The following FNBP1 variants were observed in gnomAD, a reference collection of about 807,000 sequenced individuals.
FNBP1 encodes formin-binding protein 1.
A neutral mutation model predicts 90.6 loss-of-function variants in FNBP1; 26 were observed. The observed-to-expected ratio is 0.29, with a 90% CI of 0.21 to 0.40. The LOEUF (loss-of-function observed/expected upper bound fraction) is 0.40. FNBP1 is among the 10% of genes least tolerant of loss of function. The probability of loss-of-function intolerance (pLI) is 1.00; values close to 1 mark genes in which losing one functional copy is unlikely to be tolerated. For synonymous variants in FNBP1, 260 were observed against 265.2 expected (o/e 0.98, Z 0.19); for missense variants, 635 against 768.0 (o/e 0.83, Z 2.05).
At chr9:129,979,195 T>A (rs2050804434) in intron 3 of FNBP1, 123 bp downstream of exon 3, 1 of 593,570 alleles carries the variant, frequency 1.7e-6, no homozygotes, top group African/African-American at 1.8e-5. Flanking sequence ...TCCTCCAATT[T>A]AAAAACTGAC....
chr9:129,953,494 AAAAT>A (rs553611368), intron 6 of FNBP1, among the ~76,000 whole-genome samples: 11 of 152,050 alleles, frequency 7.2e-5, no homozygotes, highest in Admixed American at 1.3e-4. Context: ...CGTCTCAGAA[AAAAT>A]AAATAAATAA....
Position 129,992,279 on chromosome 9 carries a change from A to ATTTT in FNBP1, c.140+2563_140+2564insAAAA, listed in dbSNP as rs1450296911. ...TGAAAGACAACATTGCATGACTAATAGTGCAGCATTCAAATAATCAACGTG... is the reference window on the plus strand; with the variant it reads ...TGAAAGACAACATTGCATGACTAATATTTTGTGCAGCATTCAAATAATCAACGTG... On this transcript the variant is annotated intron_variant, in intron 2 of 16. Transcript: ENST00000446176. Among the ~76,000 whole-genome samples, 3 of 152,328 alleles carry ATTTT rather than the reference A, an allele frequency of 2.0e-5. No homozygotes were observed. In the South Asian group the frequency reaches 6.2e-4, roughly 32 times the overall value.
At chr9:130,000,384 G>A (rs1171947040) in intron 1 of FNBP1, among the ~76,000 whole-genome samples, 3 of 151,974 alleles carry the variant, frequency 2.0e-5, no homozygotes, top group Non-Finnish European at 4.4e-5. Context: ...CCAGCTACTC[G>A]GGAGGCTGAG....
At chr9:129,975,529 A>C (rs959635863) in intron 4 of FNBP1, among the ~76,000 whole-genome samples, 1 of 152,198 alleles carries the variant, frequency 6.6e-6, no homozygotes, top group African/African-American at 2.4e-5. Context: ...CTAAATCCGA[A>C]ATACAGATAT....
intron 4 of FNBP1, among the ~76,000 whole-genome samples, chr9:129,967,070 T>C (rs974955860): frequency 6.6e-6 from 1 of 152,046 alleles, no homozygotes; most frequent in Admixed American, 6.6e-5. Context: ...TGTTAACAGA[T>C]AAGAGATGGT....
At chr9:129,892,086 G>A (rs925460403) in intron 16 of FNBP1, among the ~76,000 whole-genome samples, 3 of 152,098 alleles carry the variant, frequency 2.0e-5, no homozygotes, top group Non-Finnish European at 2.9e-5. Flanking sequence ...GAGGCTTCGC[G>A]GCTTTCCGGC....
intron 3 of FNBP1, among the ~76,000 whole-genome samples, 186 bp from the exon 4 acceptor site, chr9:129,978,798 C>T (rs1335584836): frequency 3.9e-5 from 6 of 152,276 alleles, no homozygotes; most frequent in African/African-American, 1.4e-4. Context: ...AATTGAAACA[C>T]TTTTCATTTT....
At chr9:130,030,116 G>A (rs2058676098) in intron 1 of FNBP1, among the ~76,000 whole-genome samples, 1 of 151,990 alleles carries the variant, frequency 6.6e-6, no homozygotes, top group Non-Finnish European at 1.5e-5. Flanking sequence ...AGGCATGAAA[G>A]ATTGAATAGA....
chr9:130,051,003 C>T, the FNBP1 span, among the ~76,000 whole-genome samples: 10 of 151,508 alleles, frequency 6.6e-5, no homozygotes, highest in Middle Eastern at 3.4e-3. Flanking sequence ...CAAGTTCAAG[C>T]GATTCTCCTG....
rs1034107491 is a variant in FNBP1 at position 129,957,068 on chromosome 9, G to A, written c.513+292C>T. On this transcript the variant is annotated intron_variant, in intron 6 of 16. Transcript: ENST00000446176. The surrounding 1 kb of genome is among the most constrained non-coding windows in gnomAD (Gnocchi z 4.3). ...TTTTTTTTTTTTTGGCGATAGTTTC[G>A]CTCTTGTTACCCAGGCTGGAGTGCA... 1.4e-5 allele frequency among the ~76,000 whole-genome samples: 2 copies of A among 144,946 alleles called. No individual in the cohort carries two copies. The highest frequency in any genetic ancestry group is 5.1e-5 in the African/African-American group (2 of 39,070).
intron 4 of FNBP1, among the ~76,000 whole-genome samples, chr9:129,958,775 G>A (rs2047326889): frequency 6.6e-6 from 1 of 151,516 alleles, no homozygotes; most frequent in Non-Finnish European, 1.5e-5. Context: ...GAGCCAAGGA[G>A]TTCAAGACAG....
At chr9:129,933,293 A>G (rs2043018802) in intron 6 of FNBP1, among the ~76,000 whole-genome samples, 1 of 152,136 alleles carries the variant, frequency 6.6e-6, no homozygotes, top group African/African-American at 2.4e-5. Context: ...AAATCCACTC[A>G]CGCCAATATT....
At chr9:129,954,722 C>T (rs539542023) in intron 6 of FNBP1, among the ~76,000 whole-genome samples, 3 of 152,220 alleles carry the variant, frequency 2.0e-5, no homozygotes, top group East Asian at 1.9e-4. Flanking sequence ...TCTTGGCTGG[C>T]GCAGTGGCTC....
chr9:129,936,062 G>A (rs948898143), intron 6 of FNBP1, among the ~76,000 whole-genome samples: 2 of 152,168 alleles, frequency 1.3e-5, no homozygotes, highest in Admixed American at 6.5e-5. Context: ...AAGCAGCAGT[G>A]TCCAGAGCTT....
chr9:129,900,227 G>A lies in FNBP1; in HGVS notation c.1551-126C>T, dbSNP rs2131317452. ...CAGCGAGTGCTGTAACTGAGGCCATGGTAAATCATCGCACGCTCAGATCAC... is the reference window on the plus strand; with the variant it reads ...CAGCGAGTGCTGTAACTGAGGCCATAGTAAATCATCGCACGCTCAGATCAC... On this transcript the variant is annotated intron_variant, in intron 14 of 16. Coordinates refer to ENST00000446176, the MANE Select transcript of FNBP1 (RefSeq NM_015033.3). The surrounding 1 kb of genome is among the most constrained non-coding windows in gnomAD (Gnocchi z 4.1). 8.3e-7 allele frequency: 1 copy of A among 1,203,328 alleles called. No homozygotes were observed. Among genetic ancestry groups the A allele is most frequent in the Non-Finnish European group, 1.1e-6 (1 of 888,606 alleles). The allele number at this position is 1,203,328 out of a possible 1,614,324, so 74.5% of individuals were successfully genotyped here.
In FNBP1 at chr9:129,990,932, GT is replaced by G. The variant is rs35179648; in HGVS notation, c.140+3910del. Among the ~76,000 whole-genome samples the G allele has an allele frequency of 9.4e-3, 1,223 of 129,992 alleles. 9 individuals are homozygous for G. Among genetic ancestry groups the G allele is most frequent in the Non-Finnish European group, 0.012 (760 of 61,480 alleles). The allele number at this position is 129,992 out of a possible 152,430, so 85.3% of individuals were successfully genotyped here. A position where few individuals can be genotyped will look rare whatever the true frequency, so the allele number is the denominator to read the frequency against. On this transcript the variant is annotated intron_variant, in intron 2 of 16. Transcript: ENST00000446176. ...AGACAGAGATGATGATGACACCAGG[GT>G]TTTTTTTTTTTTTTTTTTGAGATGG...
intron 2 of FNBP1, among the ~76,000 whole-genome samples, chr9:129,981,664 C>T (rs1434949733): frequency 6.6e-6 from 1 of 151,914 alleles, no homozygotes; most frequent in Non-Finnish European, 1.5e-5. Context: ...AAGGGCATTG[C>T]TCTGGGAATC....
Position 130,042,899 on chromosome 9 carries a change from G to T in FNBP1, c.24+53C>A. 11 of 1,185,942 alleles carry T rather than the reference G, an allele frequency of 9.3e-6. No individual in the cohort carries two copies. Among genetic ancestry groups the T allele is most frequent in the Non-Finnish European group, 1.2e-5 (11 of 946,234 alleles). The allele number at this position is 1,185,942 out of a possible 1,614,324, so 73.5% of individuals were successfully genotyped here. A position where few individuals can be genotyped will look rare whatever the true frequency, so the allele number is the denominator to read the frequency against. ...GCCCGCGCCCCCTCCCCAGGCCGCG[G>T]GGAAACGCAGCGCGCGCCCCGCATC... On this transcript the variant is annotated intron_variant, in intron 1 of 16. Coordinates refer to ENST00000446176, the MANE Select transcript of FNBP1 (RefSeq NM_015033.3). This position sits in a 1 kb window ranked among gnomAD's most constrained non-coding sequence, Gnocchi z 5.5.
intron 1 of FNBP1, among the ~76,000 whole-genome samples, chr9:130,019,690 A>G (rs1161646945): frequency 2.0e-5 from 3 of 152,222 alleles, no homozygotes; most frequent in Non-Finnish European, 4.4e-5. Context: ...ATGGCTAGCC[A>G]GAGAGAAACC....
Sources: gnomAD v4.1 joint callset for allele counts (sites outside exome capture counted in the v4.1 genomes callset) on GRCh38, gnomAD v4.1.1 for gene constraint, Gnocchi (gnomAD v3.1) non-coding constraint, MANE v1.5 for transcripts, NCBI Gene and HGNC (gene_info 2026-07-23, HGNC 2026-07-21) for gene names.